The following GLIS3 variants were observed in gnomAD, a reference collection of about 807,000 sequenced individuals.
GLIS3 encodes the protein zinc finger protein GLIS3.
A neutral mutation model predicts 78.6 loss-of-function variants in GLIS3; 53 were observed. The observed-to-expected ratio is 0.67, with a 90% CI of 0.54 to 0.85. The LOEUF (loss-of-function observed/expected upper bound fraction) is 0.85, where lower values mean the gene tolerates loss of function less well. Ranked by LOEUF, GLIS3 falls within the 40% of genes least tolerant of loss-of-function variation. The pLI is 0.00. For missense variants in GLIS3, 1,703 were observed against 1,231.1 expected (o/e 1.38, Z -5.74); for synonymous variants, 684 against 509.9 (o/e 1.34, Z -4.60).
intron 4 of GLIS3, among the ~76,000 whole-genome samples, chr9:3,987,474 G>T (rs908884253): frequency 6.6e-6 from 1 of 151,850 alleles, no homozygotes; most frequent in African/African-American, 2.4e-5. Context: ...GGCCAAGGCG[G>T]GTGGATCACC....
At chr9:3,841,343 C>G (rs1279808988) in intron 9 of GLIS3, among the ~76,000 whole-genome samples, 2 of 152,196 alleles carry the variant, frequency 1.3e-5, no homozygotes, top group Non-Finnish European at 2.9e-5. Context: ...ATTCTCAAAA[C>G]CAAGAACTCC....
rs1817812000 is a variant in GLIS3 at position 3,827,920 on chromosome 9, G to A, written c.*352C>T. The stretch of plus-strand genomic sequence containing the variant: ...TTTCCCTGTTTGGAGTTTTCAGGTA[G>A]AGTCATCCCCAAACTACATTTTCAT... On this transcript the variant is annotated 3_prime_UTR_variant, in exon 11 of 11. Coordinates refer to ENST00000381971, the MANE Select transcript of GLIS3 (RefSeq NM_001042413.2). 2.1e-5 allele frequency: 7 copies of A among 335,236 alleles called. No individual in the cohort carries two copies. The highest frequency in any genetic ancestry group is 1.9e-4 in the South Asian group (7 of 37,644). The allele number at this position is 335,236 out of a possible 1,614,324, so 20.8% of individuals were successfully genotyped here.
intron 2 of GLIS3, among the ~76,000 whole-genome samples, chr9:4,245,876 A>G (rs1223780462): frequency 6.6e-6 from 1 of 152,176 alleles, no homozygotes; most frequent in African/African-American, 2.4e-5. Flanking sequence ...GGTAAATCTC[A>G]CAAGTTTTGC....
At chr9:4,129,481 T>C (rs189018743) in intron 2 of GLIS3, among the ~76,000 whole-genome samples, 1 of 152,158 alleles carries the variant, frequency 6.6e-6, no homozygotes, top group South Asian at 2.1e-4. Flanking sequence ...GCACCATCCT[T>C]TGGTGCTGTT....
intron 4 of GLIS3, among the ~76,000 whole-genome samples, chr9:4,093,037 G>T (rs1445950719): frequency 6.6e-6 from 1 of 152,114 alleles, no homozygotes; most frequent in Middle Eastern, 3.2e-3. Context: ...ATCTTATGGG[G>T]CCACTGTTGT....
At chr9:4,069,758 T>C (rs1827430447) in intron 4 of GLIS3, among the ~76,000 whole-genome samples, 1 of 152,148 alleles carries the variant, frequency 6.6e-6, no homozygotes, top group Non-Finnish European at 1.5e-5. Flanking sequence ...TACAGCTGTT[T>C]TGTTATTTTG....
chr9:4,364,030 A>T, the GLIS3 span, among the ~76,000 whole-genome samples: 1 of 152,254 alleles, frequency 6.6e-6, no homozygotes, highest in African/African-American at 2.4e-5. Context: ...TAGGTAGCAT[A>T]TAATCCCTAT....
chr9:4,391,218 G>A, the GLIS3 span, among the ~76,000 whole-genome samples: 2 of 152,268 alleles, frequency 1.3e-5, no homozygotes, highest in East Asian at 1.9e-4. Flanking sequence ...CTCATCTCTG[G>A]TGGAAGGGAC....
At chr9:4,419,528 G>T in the GLIS3 span, among the ~76,000 whole-genome samples, 2 of 152,150 alleles carry the variant, frequency 1.3e-5, no homozygotes. Flanking sequence ...GGTGGCTCAT[G>T]CTTGTAATCC....
chr9:4,414,540 A>T, the GLIS3 span, among the ~76,000 whole-genome samples: 1 of 152,172 alleles, frequency 6.6e-6, no homozygotes, highest in Non-Finnish European at 1.5e-5. Context: ...TACCTATATA[A>T]TGCTGGTGGA....
rs1817499042 is a variant in GLIS3 at position 4,319,983 on chromosome 9, T to TGTGTG, written n.265-9456_265-9455insCACAC. Among the ~76,000 whole-genome samples, 3 of 145,180 alleles carry TGTGTG rather than the reference T, an allele frequency of 2.1e-5. No individual in the cohort carries two copies. In the East Asian group the frequency reaches 6.0e-4, roughly 29 times the overall value. ...CCTTACAGTAGGTTAGTAGAGGGGG[T>TGTGTG]TGTGTGTGTGTGTGTGTGTGTGTGT... On this transcript the variant is annotated intron_variant and non_coding_transcript_variant, in intron 2 of 4. Coordinates refer to the GLIS3 transcript ENST00000471664.
Position 3,827,861 on chromosome 9 carries a change from G to C in GLIS3, c.*411C>G, listed in dbSNP as rs1481526820. 6.7e-6 allele frequency: 2 copies of C among 297,594 alleles called. No individual in the cohort carries two copies. The highest frequency in any genetic ancestry group is 1.3e-5 in the Non-Finnish European group (2 of 152,862). The allele number at this position is 297,594 out of a possible 1,614,324, so 18.4% of individuals were successfully genotyped here. A position where few individuals can be genotyped will look rare whatever the true frequency, so the allele number is the denominator to read the frequency against. Reference sequence around the variant, plus strand: ...AGCAGCAAGGGTGAGGATTAGGTGAGGCAGGTCACTATGCCTCTCGTAATT... The same window carrying C: ...AGCAGCAAGGGTGAGGATTAGGTGACGCAGGTCACTATGCCTCTCGTAATT... On this transcript the variant is annotated 3_prime_UTR_variant, in exon 11 of 11. Coordinates refer to ENST00000381971, the MANE Select transcript of GLIS3 (RefSeq NM_001042413.2).
At chr9:3,899,784 A>G (rs1189056304) in intron 6 of GLIS3, among the ~76,000 whole-genome samples, 1 of 152,242 alleles carries the variant, frequency 6.6e-6, no homozygotes, top group African/African-American at 2.4e-5. Context: ...AGACCCTAGG[A>G]ATACTGACTG....
rs572498065 is a variant in GLIS3, at chr9:4,184,745, A to G, written c.389-58804T>C. On this transcript the variant is annotated intron_variant, in intron 2 of 10. Transcript: ENST00000381971. ...GGATGCTAACTCTCCCCTATACAAC[A>G]TCTGATAAAGTCTACAATATATTAA... Among the ~76,000 whole-genome samples, 42 of 152,354 alleles carry G rather than the reference A, an allele frequency of 2.8e-4. No individual in the cohort carries two copies. The South Asian group carries it at 8.7e-3, about 32-fold the overall frequency.
At chr9:4,415,152 T>C in the GLIS3 span, among the ~76,000 whole-genome samples, 2 of 152,198 alleles carry the variant, frequency 1.3e-5, no homozygotes, top group Non-Finnish European at 2.9e-5. Context: ...GAGACTATGA[T>C]AGAAGGTGTA....
At chr9:4,292,614 A>T (rs1274388234) in intron 1 of GLIS3, among the ~76,000 whole-genome samples, 1 of 152,364 alleles carries the variant, frequency 6.6e-6, no homozygotes, top group East Asian at 1.9e-4. Flanking sequence ...ACAAAGCTTC[A>T]TTCCTACCAC....
chr9:4,390,370 T>C, the GLIS3 span, among the ~76,000 whole-genome samples: 1 of 151,170 alleles, frequency 6.6e-6, no homozygotes, highest in East Asian at 1.9e-4. Flanking sequence ...TTGATAAAAG[T>C]CTTTTTTTTT....
intron 4 of GLIS3, among the ~76,000 whole-genome samples, chr9:4,077,778 G>C (rs765674385): frequency 1.4e-4 from 22 of 152,238 alleles, no homozygotes; most frequent in Admixed American, 3.3e-4. Flanking sequence ...CTTCATCTTG[G>C]CAGCAGCAGT....
chr9:4,423,714 T>C, the GLIS3 span, among the ~76,000 whole-genome samples: 2 of 152,184 alleles, frequency 1.3e-5, no homozygotes, highest in Admixed American at 6.5e-5. Context: ...CCATAAGGGG[T>C]ACATGGAATC....
Sources: gnomAD v4.1 joint callset for allele counts (sites outside exome capture counted in the v4.1 genomes callset) on GRCh38, gnomAD v4.1.1 for gene constraint, MANE v1.5 for transcripts, NCBI Gene and HGNC (gene_info 2026-07-23, HGNC 2026-07-21) for gene names.